Variants in SLC7A2 observed in about 807,000 individuals in gnomAD.
SLC7A2 encodes cationic amino acid transporter 2.
Under a neutral mutation model 58.9 loss-of-function variants are expected in SLC7A2, and 48 were observed. That is an observed-to-expected ratio of 0.82 (90% CI 0.65 to 1.04). SLC7A2 has a LOEUF of 1.04. Among genes scored for constraint, SLC7A2 ranks in the 50% least tolerant of loss-of-function variants. The pLI, the probability that SLC7A2 is intolerant of heterozygous loss-of-function variation, is 0.00. For missense variants in SLC7A2, 1,029 were observed against 818.8 expected (o/e 1.26, Z -3.13); for synonymous variants, 363 against 314.5 (o/e 1.15, Z -1.63).
chr8:17,511,030 C>T (rs909064404), intron 2 of SLC7A2: 4 of 151,668 alleles, frequency 2.6e-5, no homozygotes, highest in South Asian at 2.1e-4. Context: ...TGTTCTCACT[C>T]ATAAGTCGGA....
At chr8:17,516,657 C>T in intron 2 of SLC7A2, among the ~76,000 whole-genome samples, 1 of 152,196 alleles carries the variant, frequency 6.6e-6, no homozygotes. Context: ...TGTACCCTTG[C>T]TTATTGTACC....
intron 2 of SLC7A2, among the ~76,000 whole-genome samples, chr8:17,533,897 C>T (rs1342066301): frequency 6.6e-6 from 1 of 152,180 alleles, no homozygotes; most frequent in African/African-American, 2.4e-5. Context: ...GCTGTTTATC[C>T]TGATGCTCTC....
chr8:17,528,515 G>A (rs185274637), intron 2 of SLC7A2, among the ~76,000 whole-genome samples: 1 of 152,082 alleles, frequency 6.6e-6, no homozygotes, highest in African/African-American at 2.4e-5. Flanking sequence ...CTCCCCACAG[G>A]GAGCTGGCAC....
chr8:17,543,101 G>T (rs1206912080), intron 2 of SLC7A2, among the ~76,000 whole-genome samples: 1 of 151,998 alleles, frequency 6.6e-6, no homozygotes, highest in Non-Finnish European at 1.5e-5. Flanking sequence ...GTATGCTACA[G>T]GAAATTGAAC....
Position 17,554,554 on chromosome 8 carries a change from A to C in SLC7A2, c.1056-6A>C. Reference sequence around the variant, plus strand: ...GCCATACTGCATGTGTTTGCTTTTTATTCAGTCTTCTTGGATCCATTTTCC... The same window carrying C: ...GCCATACTGCATGTGTTTGCTTTTTCTTCAGTCTTCTTGGATCCATTTTCC... On this transcript the variant is annotated splice_region_variant and splice_polypyrimidine_tract_variant and intron_variant, in intron 7 of 12. Transcript: ENST00000494857. The C allele has an allele frequency of 6.3e-7, 1 of 1,582,784 alleles. No individual in the cohort carries two copies. Among genetic ancestry groups the C allele is most frequent in the Non-Finnish European group, 8.6e-7 (1 of 1,169,544 alleles).
rs1363657587 is a variant in SLC7A2 at position 17,567,514 on chromosome 8, G to C, written c.*2368G>C. 1.3e-5 allele frequency: 2 copies of C among 152,518 alleles called. No individual in the cohort carries two copies. Among genetic ancestry groups the C allele is most frequent in the Non-Finnish European group, 2.9e-5 (2 of 68,032 alleles). The allele number at this position is 152,518 out of a possible 1,614,324, so 9.4% of individuals were successfully genotyped here. ...GCCTTTTTTTCTGTGAAGACTCAAC[G>C]GATGTGTGTGTTTGTATGTTTGTTA... On this transcript the variant is annotated 3_prime_UTR_variant, in exon 13 of 13. Coordinates refer to ENST00000494857, the MANE Select transcript of SLC7A2 (RefSeq NM_001370338.1).
At chr8:17,556,480 C>G (rs1311126609) in intron 8 of SLC7A2, among the ~76,000 whole-genome samples, 1 of 152,000 alleles carries the variant, frequency 6.6e-6, no homozygotes, top group East Asian at 1.9e-4. Context: ...CCTTACTTTG[C>G]TTGTTCTTAA....
chr8:17,515,458 G>A (rs1214485427), intron 2 of SLC7A2, among the ~76,000 whole-genome samples: 2 of 151,972 alleles, frequency 1.3e-5, no homozygotes, highest in Admixed American at 6.6e-5. Context: ...ACCACACCCA[G>A]CTAATTTTTG....
intron 2 of SLC7A2, chr8:17,538,790 A>G (rs1252182083): frequency 1.4e-5 from 22 of 1,612,786 alleles, no homozygotes; most frequent in Admixed American, 3.3e-5. Context: ...CAAAACAGAA[A>G]GAGCAGATGT....
At chr8:17,556,206 A>C (rs2150767203) in intron 8 of SLC7A2, among the ~76,000 whole-genome samples, 1 of 152,264 alleles carries the variant, frequency 6.6e-6, no homozygotes, top group Non-Finnish European at 1.5e-5. Context: ...TTATTTTTAA[A>C]CAACACATGA....
chr8:17,536,651 T>A (rs555662664), intron 2 of SLC7A2, among the ~76,000 whole-genome samples: 2 of 152,148 alleles, frequency 1.3e-5, no homozygotes, highest in Non-Finnish European at 2.9e-5. Flanking sequence ...GGCTAAACAC[T>A]TTAAGTACGG....
rs1365412573 is a variant in SLC7A2, at chr8:17,554,605, G to A, written c.1101G>A (p.Met367Ile). ...CAATGCCTCGTGTAATCTATGCTAT[G>A]GCGGAGGATGGGTTGCTTTTCAAAT... ...IFPMPRVIYA[M>I]AEDGLLFKCL... The change falls in exon 8 of 13, where the codon ATG (methionine) becomes ATA (isoleucine). Residue 367 changes from methionine to isoleucine, a missense_variant. By Grantham distance (10) the Met-to-Ile change is conservative. Coordinates refer to ENST00000494857, the MANE Select transcript of SLC7A2 (RefSeq NM_001370338.1). The A allele has an allele frequency of 6.2e-7, 1 of 1,613,284 alleles. No homozygotes were observed. Among genetic ancestry groups the A allele is most frequent in the Non-Finnish European group, 8.5e-7 (1 of 1,179,876 alleles).
intron 2 of SLC7A2, among the ~76,000 whole-genome samples, chr8:17,542,494 TAAAG>T (rs1031153595): frequency 3.0e-4 from 45 of 151,496 alleles, no homozygotes; most frequent in African/African-American, 1.1e-3. Flanking sequence ...CTACGAAAAA[TAAAG>T]AAGTTACCCG....
chr8:17,518,938 C>T (rs888291009), intron 2 of SLC7A2, among the ~76,000 whole-genome samples: 9 of 152,246 alleles, frequency 5.9e-5, no homozygotes, highest in East Asian at 3.9e-4. Context: ...GGCCTGCAGA[C>T]GGCAGCCTTC....
chr8:17,529,477 A>G (rs1203009057), intron 2 of SLC7A2, among the ~76,000 whole-genome samples: 2 of 151,778 alleles, frequency 1.3e-5, no homozygotes, highest in Non-Finnish European at 2.9e-5. Context: ...CCCAAGTGCC[A>G]TGGGGCTCAG....
intron 2 of SLC7A2, among the ~76,000 whole-genome samples, chr8:17,535,960 T>C (rs187788736): frequency 8.6e-4 from 131 of 152,266 alleles, no homozygotes; most frequent in African/African-American, 3.1e-3. Flanking sequence ...CATTGAAGTC[T>C]TAAGTGTTGT....
chr8:17,550,624 A>G (rs1802404993), intron 6 of SLC7A2, among the ~76,000 whole-genome samples, 190 bp downstream of exon 6: 1 of 152,194 alleles, frequency 6.6e-6, no homozygotes, highest in Non-Finnish European at 1.5e-5. Flanking sequence ...CTTGGTTTCC[A>G]GTTAGTAAGT....
intron 2 of SLC7A2, among the ~76,000 whole-genome samples, chr8:17,528,028 A>G (rs1022333808): frequency 6.6e-6 from 1 of 152,134 alleles, no homozygotes; most frequent in East Asian, 1.9e-4. Context: ...ATCCAGGCGA[A>G]GAGGGGAAGG....
At chr8:17,551,326 A>G (rs763840380) in intron 6 of SLC7A2, among the ~76,000 whole-genome samples, 13 of 152,320 alleles carry the variant, frequency 8.5e-5, no homozygotes, top group Middle Eastern at 3.4e-3. Flanking sequence ...TCAGCTGGGC[A>G]CAGTGGCTCA....
Sources: gnomAD v4.1 joint callset for allele counts (sites outside exome capture counted in the v4.1 genomes callset) on GRCh38, gnomAD v4.1.1 for gene constraint, MANE v1.5 for transcripts, NCBI Gene and HGNC (gene_info 2026-07-23, HGNC 2026-07-21) for gene names.